The following PTPRM variants were observed in gnomAD, a reference collection of about 807,000 sequenced individuals.
The protein encoded by PTPRM is receptor-type tyrosine-protein phosphatase mu.
PTPRM carries 47 observed loss-of-function variants against 186.7 expected under a neutral mutation model. That is an observed-to-expected ratio of 0.25 (90% CI 0.20 to 0.32). PTPRM has a LOEUF of 0.32. PTPRM is among the 10% of genes least tolerant of loss of function. The pLI, the probability that PTPRM is intolerant of heterozygous loss-of-function variation, is 1.00. For synonymous variants in PTPRM, 668 were observed against 674.9 expected (o/e 0.99, Z 0.16); for missense variants, 1,494 against 1,865.0 (o/e 0.80, Z 3.66).
intron 2 of PTPRM, among the ~76,000 whole-genome samples, chr18:7,790,624 A>C (rs376299468): frequency 8.5e-5 from 13 of 152,236 alleles, no homozygotes; most frequent in African/African-American, 3.1e-4. Flanking sequence ...ATTAAAGAGG[A>C]GATCTCTCTA....
rs568707277 is a variant in PTPRM at position 8,120,524 on chromosome 18, C to G, written c.2167+5697C>G. On this transcript the variant is annotated intron_variant, in intron 13 of 32. Coordinates refer to ENST00000580170, the MANE Select transcript of PTPRM (RefSeq NM_001105244.2). ...TTTTTTTTTCTTGAGACAGTGTCTT[C>G]CTCTGTTGCTCAGGCTGGAGTGTAG... is the stretch of plus-strand genomic sequence containing the variant. 3.0e-5 allele frequency among the ~76,000 whole-genome samples: 4 copies of G among 135,060 alleles called. No homozygotes were observed. In the East Asian group the frequency reaches 8.7e-4, roughly 30 times the overall value. The allele number at this position is 135,060 out of a possible 152,430, so 88.6% of individuals were successfully genotyped here. A position where few individuals can be genotyped will look rare whatever the true frequency, so the allele number is the denominator to read the frequency against.
chr18:8,347,841 G>T (rs1598393734), intron 23 of PTPRM, among the ~76,000 whole-genome samples: 1 of 152,110 alleles, frequency 6.6e-6, no homozygotes, highest in East Asian at 1.9e-4. Context: ...TACCAGGTTT[G>T]TGGGGACACG....
intron 1 of PTPRM, among the ~76,000 whole-genome samples, chr18:7,689,451 C>G (rs2039685719): frequency 1.3e-5 from 2 of 152,208 alleles, no homozygotes; most frequent in African/African-American, 2.4e-5. Flanking sequence ...TTCTCCTCAC[C>G]AAGGAAAGAT....
At chr18:8,307,558 C>T (rs1347078885) in intron 20 of PTPRM, among the ~76,000 whole-genome samples, 1 of 152,162 alleles carries the variant, frequency 6.6e-6, no homozygotes, top group African/African-American at 2.4e-5. Flanking sequence ...AATCTTAGCA[C>T]TTTGGGAGGC....
At chr18:7,998,655 A>T (rs11081351) in intron 7 of PTPRM, among the ~76,000 whole-genome samples, 51,309 of 151,586 alleles carry the variant, frequency 0.34, 9,566 homozygotes, top group Non-Finnish European at 0.43. Context: ...TTTATACAAC[A>T]TTTTTTTTTA....
At chr18:8,392,487 C>T (rs1281389820) in intron 31 of PTPRM, among the ~76,000 whole-genome samples, 2 of 152,112 alleles carry the variant, frequency 1.3e-5, no homozygotes, top group East Asian at 1.9e-4. Flanking sequence ...ATTAGCCGGG[C>T]ATGGTGGCAG....
chr18:8,032,750 A>C (rs1403934870), intron 7 of PTPRM, among the ~76,000 whole-genome samples: 1 of 152,154 alleles, frequency 6.6e-6, no homozygotes, highest in African/African-American at 2.4e-5. Flanking sequence ...AGAAAATACA[A>C]GCATATTAAA....
chr18:7,768,522 G>T (rs1055898915), intron 1 of PTPRM, among the ~76,000 whole-genome samples: 2 of 152,128 alleles, frequency 1.3e-5, no homozygotes, highest in African/African-American at 2.4e-5. Flanking sequence ...AAGCATGTGG[G>T]TCTGCACTTG....
In PTPRM at chr18:8,174,704, A is replaced by G. The variant is rs766733546; in HGVS notation, c.2300+30925A>G. Among the ~76,000 whole-genome samples the G allele has an allele frequency of 4.5e-4, 69 of 152,224 alleles. 1 individual carries two copies. The Middle Eastern group carries it at 0.017, about 38-fold the overall frequency. ...AATGCACATACTTTTTTTAAAAAAA[A>G]TCTTTGTCATATGACTGCCTATTAC... On this transcript the variant is annotated intron_variant, in intron 14 of 32. Coordinates refer to ENST00000580170, the MANE Select transcript of PTPRM (RefSeq NM_001105244.2).
chr18:8,307,726 C>T (rs573531134), intron 20 of PTPRM, among the ~76,000 whole-genome samples: 1 of 152,120 alleles, frequency 6.6e-6, no homozygotes, highest in African/African-American at 2.4e-5. Flanking sequence ...ATTGCTTGAA[C>T]CCAGGAGGCA....
chr18:7,676,033 G>C (rs1480551464), intron 1 of PTPRM, among the ~76,000 whole-genome samples: 1 of 152,028 alleles, frequency 6.6e-6, no homozygotes, highest in Non-Finnish European at 1.5e-5. Context: ...CACTGTGCCC[G>C]GCCTTTCAGC....
At chr18:8,183,831 T>C (rs76539065) in intron 14 of PTPRM, among the ~76,000 whole-genome samples, 1 of 152,250 alleles carries the variant, frequency 6.6e-6, no homozygotes, top group African/African-American at 2.4e-5. Context: ...AGGTGATTTG[T>C]CCCAAGTCTA....
At chr18:8,357,710 C>T (rs557016452) in intron 23 of PTPRM, among the ~76,000 whole-genome samples, 49 of 152,174 alleles carry the variant, frequency 3.2e-4, no homozygotes, top group Admixed American at 2.0e-3. Flanking sequence ...AGAGAATCAT[C>T]GTTTCACATC....
At chr18:8,194,134 C>G (rs148340638) in intron 14 of PTPRM, among the ~76,000 whole-genome samples, 1 of 152,194 alleles carries the variant, frequency 6.6e-6, no homozygotes, top group Non-Finnish European at 1.5e-5. Context: ...TTTTATGTGT[C>G]TAAACACCAC....
intron 4 of PTPRM, among the ~76,000 whole-genome samples, chr18:7,915,847 A>G (rs1352708011): frequency 6.6e-6 from 1 of 152,190 alleles, no homozygotes; most frequent in Non-Finnish European, 1.5e-5. Flanking sequence ...TATAGCACTA[A>G]ACAAGGGGAA....
At chr18:8,334,929 A>T (rs1191999745) in intron 22 of PTPRM, among the ~76,000 whole-genome samples, 1 of 151,940 alleles carries the variant, frequency 6.6e-6, no homozygotes, top group Non-Finnish European at 1.5e-5. Flanking sequence ...GGCTGGTCAC[A>T]CCTAAGGCTG....
At chr18:7,600,231 C>T (rs894414573) in intron 1 of PTPRM, among the ~76,000 whole-genome samples, 4 of 152,102 alleles carry the variant, frequency 2.6e-5, no homozygotes, top group African/African-American at 4.8e-5. Context: ...CAGTCTGTTG[C>T]GAGGACCAAA....
chr18:8,344,474 A>ATATATATATATTTATATATC (rs1318982857), intron 23 of PTPRM, among the ~76,000 whole-genome samples: 1 of 147,292 alleles, frequency 6.8e-6, no homozygotes, highest in African/African-American at 2.6e-5. Context: ...ATATATATAT[A>ATATATATATATTTATATATC]TCTAGCAAAA....
chr18:7,911,978 G>A (rs1409847504), intron 4 of PTPRM, among the ~76,000 whole-genome samples: 1 of 149,058 alleles, frequency 6.7e-6, no homozygotes, highest in African/African-American at 2.5e-5. Context: ...TCAGCCTCCT[G>A]AGTAGCTGTG....
Sources: allele counts gnomAD v4.1 joint callset (sites outside exome capture counted in the v4.1 genomes callset), GRCh38; gene constraint gnomAD v4.1.1; transcripts MANE v1.5; gene names NCBI Gene and HGNC (gene_info 2026-07-23, HGNC 2026-07-21).